The following SH3TC2 variants were observed in gnomAD, a reference collection of about 807,000 sequenced individuals.
The protein encoded by SH3TC2 is SH3 domain and tetratricopeptide repeat-containing protein 2.
In SH3TC2, 87 loss-of-function variants were observed where a neutral mutation model predicts 124.5. That is an observed-to-expected ratio of 0.70 (90% CI 0.59 to 0.84). SH3TC2 has a LOEUF of 0.84. Ranked by LOEUF, SH3TC2 falls within the 40% of genes least tolerant of loss-of-function variation. The probability of loss-of-function intolerance (pLI) is 0.00; values close to 1 mark genes in which losing one functional copy is unlikely to be tolerated. For missense variants in SH3TC2, 1,536 were observed against 1,566.4 expected (o/e 0.98, Z 0.33); for synonymous variants, 634 against 628.5 (o/e 1.01, Z -0.13).
At chr5:149,040,374 G>T (rs1225479357) in intron 7 of SH3TC2, among the ~76,000 whole-genome samples, 1 of 152,074 alleles carries the variant, frequency 6.6e-6, no homozygotes, top group Non-Finnish European at 1.5e-5. Context: ...CCTAGCATCT[G>T]TGTGTCCTGC....
At chr5:149,008,542 T>C (rs1753729148) in intron 15 of SH3TC2, 2 of 459,554 alleles carry the variant, frequency 4.4e-6, no homozygotes, top group East Asian at 4.4e-5. Context: ...AATAATAGTG[T>C]GGCACAGGCA....
In SH3TC2 at chr5:148,986,239, A is replaced by ATC. The variant is rs145655515; in HGVS notation, c.*18470_*18471dup. Among the ~76,000 whole-genome samples, 5,715 of 152,336 alleles carry ATC rather than the reference A, an allele frequency of 0.038. 164 individuals carry two copies. The highest frequency in any genetic ancestry group is 0.059 in the Non-Finnish European group (4,042 of 68,028). Reference sequence around the variant, plus strand: ...TGTAAGAACAAGAGAAAAAAAATGTATCTGAAATCAGAAAGCAATTAAATA... The same window carrying ATC: ...TGTAAGAACAAGAGAAAAAAAATGTATCTCTGAAATCAGAAAGCAATTAAATA... On this transcript the variant is annotated 3_prime_UTR_variant, in exon 17 of 17. Coordinates refer to ENST00000515425, the MANE Select transcript of SH3TC2 (RefSeq NM_024577.4).
Position 148,998,080 on chromosome 5 carries a change from T to C in SH3TC2, c.*6631A>G, listed in dbSNP as rs979889762. ...CAGGTTAATGAGTGAGAAATTCATT[T>C]GGTGAGTCATAAATTTGATATTTTT... is the stretch of plus-strand genomic sequence containing the variant. On this transcript the variant is annotated 3_prime_UTR_variant, in exon 17 of 17. Transcript: ENST00000515425. 6.6e-6 allele frequency among the ~76,000 whole-genome samples: 1 copy of C among 152,186 alleles called. No homozygotes were observed. Among genetic ancestry groups the C allele is most frequent in the African/African-American group, 2.4e-5 (1 of 41,432 alleles).
intron 5 of SH3TC2, 48 bp from the exon 6 acceptor site, chr5:149,041,665 T>C (rs1340012856): frequency 6.3e-7 from 1 of 1,589,580 alleles, no homozygotes; most frequent in Non-Finnish European, 8.6e-7. Flanking sequence ...TAGCAGGAAG[T>C]GAAAACGGAT....
chr5:149,040,472 G>T, intron 7 of SH3TC2, 132 bp downstream of exon 7: 1 of 808,588 alleles, frequency 1.2e-6, no homozygotes. Context: ...ACAGAAACTG[G>T]CTTCCCTAAA....
At chr5:149,012,253 AGTCAAGGT>A (rs1753795301) in intron 13 of SH3TC2, among the ~76,000 whole-genome samples, 1 of 152,206 alleles carries the variant, frequency 6.6e-6, no homozygotes, top group Admixed American at 6.5e-5. Flanking sequence ...AAAACCCTAA[AGTCAAGGT>A]GTATGTTGAG....
chr5:149,037,996 T>C (rs917925855), intron 8 of SH3TC2, among the ~76,000 whole-genome samples: 10 of 152,148 alleles, frequency 6.6e-5, no homozygotes, highest in African/African-American at 2.2e-4. Flanking sequence ...ACAGTGTGGG[T>C]AGCAGGATCC....
chr5:149,039,792 G>A (rs1164974473), intron 7 of SH3TC2, among the ~76,000 whole-genome samples: 4 of 152,164 alleles, frequency 2.6e-5, no homozygotes, highest in South Asian at 2.1e-4. Context: ...AAAGCCTTGC[G>A]TTCTAACTAC....
At position 149,026,953 on chromosome 5, in the gene SH3TC2, C is replaced by T; in HGVS notation, c.2779G>A (p.Ala927Thr). Residue 927 changes from alanine (A) to threonine (T), a missense_variant, in exon 11 of 17, where the codon GCC (alanine) becomes ACC (threonine). Coordinates refer to ENST00000515425, the MANE Select transcript of SH3TC2 (RefSeq NM_024577.4). ...TGGTGTCCAGACACCAGAACTTGGG[C>T]CAACCAGAGAAACACCTGTACTAAT... ...MELVQVFLWLAQVLVSGHQLT... is the reference protein window; with the variant it reads ...MELVQVFLWLTQVLVSGHQLT... 6.2e-7 allele frequency: 1 copy of T among 1,614,154 alleles called. No homozygotes were observed. Among genetic ancestry groups the T allele is most frequent in the Non-Finnish European group, 8.5e-7 (1 of 1,180,038 alleles).
chr5:149,018,906 C>T (rs1160201167), intron 12 of SH3TC2, among the ~76,000 whole-genome samples: 1 of 152,208 alleles, frequency 6.6e-6, no homozygotes, highest in East Asian at 1.9e-4. Context: ...GACAGATCAC[C>T]CCCATCCTTT....
At chr5:149,031,282 A>G (rs760013216) in intron 9 of SH3TC2, among the ~76,000 whole-genome samples, 1 of 152,182 alleles carries the variant, frequency 6.6e-6, no homozygotes, top group African/African-American at 2.4e-5. Context: ...CCCCAAGATT[A>G]GGAGGGAAGA....
rs1390083250 is a variant in SH3TC2 at position 149,063,035 on chromosome 5, C to T, written c.-13G>A. On this transcript the variant is annotated 5_prime_UTR_variant, in exon 1 of 17. Coordinates refer to ENST00000515425, the MANE Select transcript of SH3TC2 (RefSeq NM_024577.4). Reference sequence around the variant, plus strand: ...AGCAGCCACCCATGTGTGTACCATCCTACCCTGGCCGAGGCCCTTGGGAAC... The same window carrying T: ...AGCAGCCACCCATGTGTGTACCATCTTACCCTGGCCGAGGCCCTTGGGAAC... 6.3e-7 allele frequency: 1 copy of T among 1,595,378 alleles called. No homozygotes were observed. The highest frequency in any genetic ancestry group is 8.5e-7 in the Non-Finnish European group (1 of 1,170,258).
chr5:149,027,783 T>C lies in SH3TC2; in HGVS notation c.1949A>G (p.Glu650Gly). 6.2e-7 allele frequency: 1 copy of C among 1,613,936 alleles called. No individual in the cohort carries two copies. Among genetic ancestry groups the C allele is most frequent in the Non-Finnish European group, 8.5e-7 (1 of 1,179,998 alleles). Residue 650 changes from glutamate (E) to glycine (G), a missense_variant, in exon 11 of 17, where the codon GAG (glutamate) becomes GGG (glycine). By Grantham distance (98) the Glu-to-Gly change is moderately conservative (BLOSUM62 -2). Coordinates refer to ENST00000515425, the MANE Select transcript of SH3TC2 (RefSeq NM_024577.4). ...GCGCTCGGCAAAGGGCAGGACCTCC[T>C]CGTGCCGGCCTAGGCTCAGGAGCAA... ...IRLLLSLGRH[E>G]EVLPFAERLQ...
Position 149,027,028 on chromosome 5 carries a change from C to T in SH3TC2, c.2704G>A (p.Ala902Thr), listed in dbSNP as rs767303005. The change falls in exon 11 of 17, where the codon GCT becomes ACT. Residue 902 changes from alanine (A) to threonine (T), a missense_variant. Ala to Thr is a moderately conservative substitution (Grantham distance 58). Coordinates refer to ENST00000515425, the MANE Select transcript of SH3TC2 (RefSeq NM_024577.4). ...TGAAGTTCACAATAGAGTCGTACAG[C>T]CTGCAGGAGATAGTTTCTGGCTGGA... is the stretch of plus-strand genomic sequence containing the variant. ...QHPARNYLLQ[A>T]VRLYCELQAS... 6.2e-7 allele frequency: 1 copy of T among 1,614,152 alleles called. No homozygotes were observed. The highest frequency in any genetic ancestry group is 8.5e-7 in the Non-Finnish European group (1 of 1,180,036).
chr5:149,049,460 C>T (rs920592164), intron 2 of SH3TC2, among the ~76,000 whole-genome samples: 9 of 152,158 alleles, frequency 5.9e-5, no homozygotes, highest in African/African-American at 1.9e-4. Context: ...GTACCTATCC[C>T]ACAGGGGTTT....
At position 148,983,421 on chromosome 5, in the gene SH3TC2, C is replaced by G. The variant is rs758089753; in HGVS notation, c.*21290G>C. Among the ~76,000 whole-genome samples the G allele has an allele frequency of 5.5e-4, 83 of 152,062 alleles. No homozygotes were observed. The highest frequency in any genetic ancestry group is 1.9e-3 in the African/African-American group (80 of 41,402). On this transcript the variant is annotated 3_prime_UTR_variant, in exon 17 of 17. Transcript: ENST00000515425. ...CTCAAAAGGAGATAGCAAGGAGCAC[C>G]AAGAAAAAATTTGCTGGGAATAGGA...
At chr5:149,037,101 T>C (rs1375469533) in intron 8 of SH3TC2, among the ~76,000 whole-genome samples, 1 of 152,138 alleles carries the variant, frequency 6.6e-6, no homozygotes, top group Non-Finnish European at 1.5e-5. Flanking sequence ...CATTCCCAGG[T>C]TTCCAGAGCA....
rs1395862996 is a variant in SH3TC2 at position 148,993,325 on chromosome 5, T to C, written c.*11386A>G. 6.6e-6 allele frequency among the ~76,000 whole-genome samples: 1 copy of C among 152,132 alleles called. No homozygotes were observed. The highest frequency in any genetic ancestry group is 1.5e-5 in the Non-Finnish European group (1 of 68,016). ...GGCAGAAGCTAAAATTTGACCTAAA[T>C]AAATTATTGTCAATAAATTATAAGC... On this transcript the variant is annotated 3_prime_UTR_variant, in exon 17 of 17. Coordinates refer to ENST00000515425, the MANE Select transcript of SH3TC2 (RefSeq NM_024577.4).
In SH3TC2 at chr5:149,006,782, T is replaced by G; in HGVS notation, c.3675+99A>C. ...AGACTTCTCATCTTGGCACTCTGGT[T>G]TTCTCAGCTCCACCACAAAGGCTCC... On this transcript the variant is annotated intron_variant, in intron 16 of 16. Transcript: ENST00000515425. 3 of 1,266,722 alleles carry G rather than the reference T, an allele frequency of 2.4e-6. No homozygotes were observed. In the South Asian group the frequency reaches 3.6e-5, roughly 15 times the overall value. The allele number at this position is 1,266,722 out of a possible 1,614,324, so 78.5% of individuals were successfully genotyped here.
Sources: allele counts gnomAD v4.1 joint callset (sites outside exome capture counted in the v4.1 genomes callset), GRCh38; gene constraint gnomAD v4.1.1; transcripts MANE v1.5; gene names NCBI Gene and HGNC (gene_info 2026-07-23, HGNC 2026-07-21).